The following C12orf42 variants were observed in gnomAD, a reference collection of about 807,000 sequenced individuals.
C12orf42 encodes the protein uncharacterized protein C12orf42.
Under a neutral mutation model 21.6 loss-of-function variants are expected in C12orf42, and 25 were observed. The observed-to-expected ratio is 1.16, with a 90% confidence interval of 0.84 to 1.62. The LOEUF (loss-of-function observed/expected upper bound fraction) is 1.62. C12orf42 is among the 40% of genes most tolerant of loss of function. C12orf42 has a pLI of 0.00. For synonymous variants in C12orf42, 174 were observed against 175.0 expected, an observed-to-expected ratio of 0.99 and a Z score of 0.05; for missense variants, 483 against 459.3, an observed-to-expected ratio of 1.05 and a Z score of -0.47.
chr12:103,175,635 C>T, the C12orf42 span, among the ~76,000 whole-genome samples: 2 of 152,174 alleles, frequency 1.3e-5, no homozygotes, highest in African/African-American at 4.8e-5. Context: ...CTATTACACT[C>T]CACTTTCAAC....
the C12orf42 span, among the ~76,000 whole-genome samples, chr12:103,166,701 C>A: frequency 5.0e-3 from 768 of 152,128 alleles, 7 homozygotes; most frequent in African/African-American, 0.017. Context: ...CATATTTATC[C>A]TTTTCTTTCT....
intron 3 of C12orf42, among the ~76,000 whole-genome samples, chr12:103,379,893 G>A (rs898426460): frequency 1.3e-4 from 20 of 152,152 alleles, no homozygotes; most frequent in African/African-American, 4.3e-4. Flanking sequence ...AGCATTGTTC[G>A]AGCACCATGG....
At chr12:103,349,582 T>C (rs1299351051) in intron 4 of C12orf42, among the ~76,000 whole-genome samples, 1 of 152,162 alleles carries the variant, frequency 6.6e-6, no homozygotes, top group Non-Finnish European at 1.5e-5. Flanking sequence ...TTACTTTTCA[T>C]CTCTTTTTTT....
the C12orf42 span, among the ~76,000 whole-genome samples, chr12:103,195,657 T>C: frequency 2.6e-5 from 4 of 152,152 alleles, no homozygotes; most frequent in African/African-American, 9.6e-5. Context: ...TGCTCATTAA[T>C]ATTTTTAAGT....
chr12:103,487,464 A>G (rs532779919), intron 1 of C12orf42, among the ~76,000 whole-genome samples: 19 of 152,330 alleles, frequency 1.2e-4, no homozygotes, highest in African/African-American at 3.4e-4. Flanking sequence ...GTAGATGTCT[A>G]TTAGGTCTAC....
At chr12:103,490,317 T>C (rs1431333895) in intron 1 of C12orf42, among the ~76,000 whole-genome samples, 2 of 152,238 alleles carry the variant, frequency 1.3e-5, no homozygotes, top group East Asian at 3.8e-4. Context: ...TACAATGTTT[T>C]AAAAATATTT....
chr12:103,365,873 A>G (rs1475398337), intron 4 of C12orf42, among the ~76,000 whole-genome samples: 1 of 152,118 alleles, frequency 6.6e-6, no homozygotes, highest in Non-Finnish European at 1.5e-5. Flanking sequence ...GATGGGCAGA[A>G]TCAATGCTGT....
intron 4 of C12orf42, among the ~76,000 whole-genome samples, chr12:103,361,726 T>C (rs1057351198): frequency 6.6e-6 from 1 of 152,032 alleles, no homozygotes; most frequent in Non-Finnish European, 1.5e-5. Context: ...GGCCTGTGAC[T>C]GCCAGCTTTC....
chr12:103,140,730 T>A, the C12orf42 span, among the ~76,000 whole-genome samples: 1 of 151,962 alleles, frequency 6.6e-6, no homozygotes, highest in South Asian at 2.1e-4. Flanking sequence ...CAAAACAAAC[T>A]TTAAAAAAAT....
At chr12:103,144,392 G>T in the C12orf42 span, among the ~76,000 whole-genome samples, 1 of 152,208 alleles carries the variant, frequency 6.6e-6, no homozygotes, top group East Asian at 1.9e-4. Context: ...GAGGCTACTT[G>T]CAGTCACCTT....
chr12:103,075,749 C>T, the C12orf42 span, among the ~76,000 whole-genome samples: 1 of 152,152 alleles, frequency 6.6e-6, no homozygotes, highest in African/African-American at 2.4e-5. Context: ...ATAGCACCTT[C>T]TCATTTATGA....
At chr12:103,173,093 C>G in the C12orf42 span, among the ~76,000 whole-genome samples, 1 of 152,164 alleles carries the variant, frequency 6.6e-6, no homozygotes, top group Admixed American at 6.6e-5. Flanking sequence ...TAATTAGAGA[C>G]CAAATCTCAG....
At chr12:103,195,848 G>T in the C12orf42 span, among the ~76,000 whole-genome samples, 1 of 152,060 alleles carries the variant, frequency 6.6e-6, no homozygotes, top group African/African-American at 2.4e-5. Flanking sequence ...TCTTTATCAT[G>T]AAATCTTTGC....
At chr12:103,430,154 C>T (rs977656554) in intron 2 of C12orf42, among the ~76,000 whole-genome samples, 1 of 152,166 alleles carries the variant, frequency 6.6e-6, no homozygotes, top group Non-Finnish European at 1.5e-5. Flanking sequence ...GCAAAAGAAA[C>T]TATCATCAGA....
At chr12:103,409,931 C>T (rs187918484) in intron 2 of C12orf42, among the ~76,000 whole-genome samples, 2 of 152,184 alleles carry the variant, frequency 1.3e-5, no homozygotes, top group East Asian at 3.9e-4. Context: ...GTTAATTAAC[C>T]CAAATGTTAT....
chr12:103,513,761 G>C, the C12orf42 span, among the ~76,000 whole-genome samples: 295 of 152,236 alleles, frequency 1.9e-3, no homozygotes, highest in Middle Eastern at 3.4e-3. Context: ...ACAAATACAT[G>C]CTGGACAAAT....
the C12orf42 span, among the ~76,000 whole-genome samples, chr12:103,501,175 G>A: frequency 6.6e-6 from 1 of 152,192 alleles, no homozygotes. Context: ...GCCTTGGAGT[G>A]GATGAAAGGC....
At chr12:103,142,348 C>T in the C12orf42 span, among the ~76,000 whole-genome samples, 1 of 152,188 alleles carries the variant, frequency 6.6e-6, no homozygotes, top group Non-Finnish European at 1.5e-5. Context: ...AACTCACAAG[C>T]TGCTTCTTAC....
At chr12:103,052,182 T>C in the C12orf42 span, among the ~76,000 whole-genome samples, 1 of 152,172 alleles carries the variant, frequency 6.6e-6, no homozygotes, top group Non-Finnish European at 1.5e-5. Context: ...TGTATATATG[T>C]ATACATTTTT....
Sources: allele counts gnomAD v4.1 joint callset (sites outside exome capture counted in the v4.1 genomes callset), GRCh38; gene constraint gnomAD v4.1.1; transcripts MANE v1.5; gene names NCBI Gene and HGNC (gene_info 2026-07-23, HGNC 2026-07-21).